Variants in SH2D4A observed in about 807,000 individuals in gnomAD.
SH2D4A encodes SH2 domain-containing protein 4A.
In SH2D4A, 70 loss-of-function variants were observed where a neutral mutation model predicts 64.7. That is an observed-to-expected ratio of 1.08 (90% CI 0.89 to 1.32). SH2D4A has a LOEUF of 1.32. Among genes scored for constraint, SH2D4A ranks in the 40% most tolerant of loss-of-function variants. The pLI, the probability that SH2D4A is intolerant of heterozygous loss-of-function variation, is 0.00. For synonymous variants in SH2D4A, 268 were observed against 200.7 expected (o/e 1.34, Z -2.83); for missense variants, 706 against 540.1 (o/e 1.31, Z -3.04).
At chr8:19,351,378 T>C (rs374645163) in intron 4 of SH2D4A, among the ~76,000 whole-genome samples, 2 of 151,744 alleles carry the variant, frequency 1.3e-5, no homozygotes, top group African/African-American at 2.4e-5. Context: ...CCGAGGCGGG[T>C]GGATCACAAG....
At chr8:19,335,151 G>T (rs1486635671) in intron 4 of SH2D4A, among the ~76,000 whole-genome samples, 1 of 152,016 alleles carries the variant, frequency 6.6e-6, no homozygotes, top group East Asian at 1.9e-4. Context: ...AGCTGGGCGT[G>T]GTGGCGGGCG....
chr8:19,359,848 T>C (rs970349063), intron 5 of SH2D4A, among the ~76,000 whole-genome samples: 2 of 152,246 alleles, frequency 1.3e-5, no homozygotes, highest in African/African-American at 4.8e-5. Context: ...CTTTACGTTG[T>C]GGTGACATAA....
chr8:19,361,179 T>C (rs2052879336), intron 5 of SH2D4A, 24 bp from the exon 6 acceptor site: 1 of 1,408,646 alleles, frequency 7.1e-7, no homozygotes, highest in African/African-American at 1.5e-5. Flanking sequence ...TGTTTTTGTT[T>C]TTTTTTGTTT....
rs774987171 is a variant in SH2D4A at position 19,321,219 on chromosome 8, T to C, written c.181+1491T>C. On this transcript the variant is annotated intron_variant, in intron 2 of 9. Coordinates refer to ENST00000265807, the MANE Select transcript of SH2D4A (RefSeq NM_022071.4). Reference sequence around the variant, plus strand: ...AGAGAAGTTCATTTTTTTTTTTGCTTGTTTGTTTGTTTGAGATGGAGTCTC... The same window carrying C: ...AGAGAAGTTCATTTTTTTTTTTGCTCGTTTGTTTGTTTGAGATGGAGTCTC... Among the ~76,000 whole-genome samples, 5 of 151,886 alleles carry C rather than the reference T, an allele frequency of 3.3e-5. 1 individual carries two copies. The South Asian group carries it at 1.0e-3, about 32-fold the overall frequency.
intron 4 of SH2D4A, among the ~76,000 whole-genome samples, chr8:19,355,689 C>T (rs980170262): frequency 2.6e-5 from 4 of 152,212 alleles, no homozygotes; most frequent in African/African-American, 9.7e-5. Context: ...CATTATGTTG[C>T]CCATCCATCA....
At chr8:19,353,943 T>C (rs921011790) in intron 4 of SH2D4A, among the ~76,000 whole-genome samples, 14 of 151,932 alleles carry the variant, frequency 9.2e-5, no homozygotes, top group Admixed American at 4.6e-4. Context: ...ACACATTGAA[T>C]AGAAGTGTTT....
At chr8:19,379,064 G>A (rs2053245588) in intron 8 of SH2D4A, among the ~76,000 whole-genome samples, 1 of 137,712 alleles carries the variant, frequency 7.3e-6, no homozygotes, top group African/African-American at 2.8e-5. Context: ...TTGGAAGACA[G>A]ACCCTGCCTT....
At chr8:19,372,801 C>G (rs963520359) in intron 7 of SH2D4A, among the ~76,000 whole-genome samples, 2 of 151,788 alleles carry the variant, frequency 1.3e-5, no homozygotes, top group Non-Finnish European at 2.9e-5. Context: ...TTTGTCTTTT[C>G]AAACTTCAAA....
intron 8 of SH2D4A, among the ~76,000 whole-genome samples, chr8:19,390,886 C>T (rs991985741): frequency 5.3e-5 from 8 of 152,106 alleles, no homozygotes; most frequent in African/African-American, 1.4e-4. Flanking sequence ...CTTACTTAGC[C>T]GAGGTTTGGT....
chr8:19,343,565 C>T (rs1232729094), intron 4 of SH2D4A, among the ~76,000 whole-genome samples: 1 of 152,040 alleles, frequency 6.6e-6, no homozygotes, highest in Admixed American at 6.6e-5. Flanking sequence ...AACTGGAAAT[C>T]CCAGTACAAA....
At chr8:19,318,890 G>A (rs747234599) in intron 1 of SH2D4A, among the ~76,000 whole-genome samples, 1 of 151,998 alleles carries the variant, frequency 6.6e-6, no homozygotes, top group Non-Finnish European at 1.5e-5. Flanking sequence ...ATTTTGGTTT[G>A]GTTTGGGATG....
At chr8:19,351,674 T>C (rs1310903572) in intron 4 of SH2D4A, among the ~76,000 whole-genome samples, 2 of 152,162 alleles carry the variant, frequency 1.3e-5, no homozygotes, top group Non-Finnish European at 1.5e-5. Flanking sequence ...TAATTCTTCA[T>C]TTTCATCTTT....
intron 4 of SH2D4A, among the ~76,000 whole-genome samples, chr8:19,336,284 G>A (rs1159884570): frequency 2.0e-5 from 3 of 152,118 alleles, no homozygotes; most frequent in African/African-American, 7.2e-5. Flanking sequence ...CTCATGTTTG[G>A]TTGTGTCATT....
chr8:19,390,274 A>C (rs1177409633), intron 8 of SH2D4A, among the ~76,000 whole-genome samples: 2 of 152,264 alleles, frequency 1.3e-5, no homozygotes, highest in Admixed American at 6.5e-5. Context: ...CCAGCTACAC[A>C]GGAGGCTAAG....
Position 19,319,543 on chromosome 8 carries a change from C to T in SH2D4A, c.-5C>T. 5 of 1,512,168 alleles carry T rather than the reference C, an allele frequency of 3.3e-6. No homozygotes were observed. Among genetic ancestry groups the T allele is most frequent in the Admixed American group, 4.5e-5 (2 of 44,268 alleles). 93.7% of individuals were successfully genotyped at this position (1,512,168 alleles called of 1,614,324 possible). On this transcript the variant is annotated 5_prime_UTR_variant, in exon 2 of 10. Transcript: ENST00000265807. ...ACAAGTATAAAAGACTTCAGAAGTG[C>T]AAAGATGCTGAAACAGATACTGTCG...
At position 19,380,681 on chromosome 8, in the gene SH2D4A, A is replaced by G. The variant is rs140718342; in HGVS notation, c.1048+7021A>G. On this transcript the variant is annotated intron_variant, in intron 8 of 9. Coordinates refer to ENST00000265807, the MANE Select transcript of SH2D4A (RefSeq NM_022071.4). ...CACCTTTGTCAAAAATCATTTGACCATGTCTATGCATTTTTATTTCTGAGT... is the reference window on the plus strand; with the variant it reads ...CACCTTTGTCAAAAATCATTTGACCGTGTCTATGCATTTTTATTTCTGAGT... Among the ~76,000 whole-genome samples the G allele has an allele frequency of 1.0e-3, 155 of 152,332 alleles. 1 individual carries two copies. Among genetic ancestry groups the G allele is most frequent in the African/African-American group, 3.5e-3 (146 of 41,582 alleles).
chr8:19,372,766 T>C (rs546956008), intron 7 of SH2D4A, among the ~76,000 whole-genome samples: 15 of 152,310 alleles, frequency 9.8e-5, no homozygotes, highest in African/African-American at 3.6e-4. Context: ...TGAATCTATT[T>C]CAAAATGATT....
At chr8:19,349,287 C>T (rs577776718) in intron 4 of SH2D4A, among the ~76,000 whole-genome samples, 9 of 152,234 alleles carry the variant, frequency 5.9e-5, no homozygotes, top group South Asian at 4.2e-4. Flanking sequence ...TAGAATTTCA[C>T]GGTAGGTAAT....
chr8:19,384,914 A>G (rs150237258), intron 8 of SH2D4A, among the ~76,000 whole-genome samples: 71 of 152,372 alleles, frequency 4.7e-4, no homozygotes, highest in Admixed American at 8.5e-4. Context: ...AAATCTGTGT[A>G]TAAACAAGTT....
Sources: gnomAD v4.1 joint callset for allele counts (sites outside exome capture counted in the v4.1 genomes callset) on GRCh38, gnomAD v4.1.1 for gene constraint, MANE v1.5 for transcripts, NCBI Gene and HGNC (gene_info 2026-07-23, HGNC 2026-07-21) for gene names.